LRBA: variants seen among roughly 807,000 people sequenced by gnomAD.
LRBA encodes the protein lipopolysaccharide-responsive and beige-like anchor protein.
LRBA carries 176 observed loss-of-function variants against 330.0 expected under a neutral mutation model. That is an observed-to-expected ratio of 0.53 (90% confidence interval 0.47 to 0.60). LRBA has a LOEUF of 0.60. LRBA is among the 20% of genes least tolerant of loss of function. LRBA has a pLI of 0.00. For missense variants in LRBA, 3,259 were observed against 3,444.8 expected (o/e 0.95, Z 1.35); for synonymous variants, 1,230 against 1,193.0 (o/e 1.03, Z -0.64).
intron 34 of LRBA, among the ~76,000 whole-genome samples, chr4:150,770,108 G>C (rs1736347120): frequency 6.6e-6 from 1 of 152,164 alleles, no homozygotes; most frequent in Admixed American, 6.5e-5. Context: ...CGAATAAAAT[G>C]AAAAGGCAGA....
At chr4:150,717,810 G>C (rs1276350156) in intron 36 of LRBA, among the ~76,000 whole-genome samples, 2 of 151,514 alleles carry the variant, frequency 1.3e-5, no homozygotes, top group Non-Finnish European at 2.9e-5. Flanking sequence ...CTAGCAACAA[G>C]TGAGTTCTAC....
intron 36 of LRBA, among the ~76,000 whole-genome samples, chr4:150,710,875 CT>C (rs1159572205): frequency 6.6e-6 from 1 of 151,850 alleles, no homozygotes; most frequent in Non-Finnish European, 1.5e-5. Context: ...TGCTTGCAAA[CT>C]CAACATATCA....
At chr4:150,854,118 G>A (rs75698378) in intron 22 of LRBA, among the ~76,000 whole-genome samples, 3 of 151,858 alleles carry the variant, frequency 2.0e-5, no homozygotes, top group East Asian at 1.9e-4. Context: ...ACATTAACTC[G>A]CCTTTACTCA....
chr4:150,275,709 CTAACT>C (rs1174633063), intron 56 of LRBA, among the ~76,000 whole-genome samples: 1 of 152,166 alleles, frequency 6.6e-6, no homozygotes, highest in Non-Finnish European at 1.5e-5. Flanking sequence ...ACCTAGGAAT[CTAACT>C]TACAAGGGAT....
At chr4:150,474,814 G>C (rs1028757505) in intron 42 of LRBA, among the ~76,000 whole-genome samples, 2 of 151,912 alleles carry the variant, frequency 1.3e-5, no homozygotes, top group Admixed American at 6.6e-5. Context: ...AACATCTCCA[G>C]TGTAACGCTG....
chr4:150,980,892 C>T (rs1298671064), intron 2 of LRBA, among the ~76,000 whole-genome samples: 1 of 151,686 alleles, frequency 6.6e-6, no homozygotes, highest in African/African-American at 2.4e-5. Flanking sequence ...AAAATAGCTA[C>T]AAATAAATAC....
intron 44 of LRBA, among the ~76,000 whole-genome samples, chr4:150,437,492 ACT>A (rs56695742): frequency 2.1e-4 from 31 of 147,814 alleles, no homozygotes; most frequent in African/African-American, 3.7e-4. Context: ...GCCGGCATGA[ACT>A]CTCTCTCTCT....
chr4:150,358,472 T>A (rs935538760), intron 47 of LRBA, among the ~76,000 whole-genome samples: 4 of 152,086 alleles, frequency 2.6e-5, no homozygotes, highest in Admixed American at 2.0e-4. Flanking sequence ...ATTCCAAACA[T>A]GATGCTGTAA....
intron 35 of LRBA, among the ~76,000 whole-genome samples, chr4:150,740,476 G>C (rs1274128205): frequency 6.6e-6 from 1 of 151,856 alleles, no homozygotes; most frequent in Admixed American, 6.6e-5. Flanking sequence ...GAGGGTCACT[G>C]GATTTAAGGC....
chr4:150,356,635 A>G (rs1737881978), intron 47 of LRBA, among the ~76,000 whole-genome samples: 1 of 152,010 alleles, frequency 6.6e-6, no homozygotes, highest in Non-Finnish European at 1.5e-5. Context: ...TGTTTTCTAT[A>G]TGTGACTTGC....
intron 40 of LRBA, among the ~76,000 whole-genome samples, chr4:150,571,054 C>T (rs1341670800): frequency 6.6e-6 from 1 of 152,126 alleles, no homozygotes; most frequent in African/African-American, 2.4e-5. Flanking sequence ...TCATCATTAA[C>T]AGAAGCACTG....
chr4:150,532,698 AAAGAG>A (rs1390960969), intron 40 of LRBA, among the ~76,000 whole-genome samples: 2 of 152,144 alleles, frequency 1.3e-5, no homozygotes, highest in African/African-American at 4.8e-5. Context: ...TATAAAACAG[AAAGAG>A]AAGAATGGGC....
At chr4:150,576,285 A>G (rs565101217) in intron 40 of LRBA, among the ~76,000 whole-genome samples, 4 of 151,926 alleles carry the variant, frequency 2.6e-5, no homozygotes, top group Non-Finnish European at 5.9e-5. Context: ...TATGTAAATA[A>G]AAGAATGTAG....
intron 44 of LRBA, among the ~76,000 whole-genome samples, chr4:150,438,625 G>A (rs1298115897): frequency 1.3e-5 from 2 of 152,014 alleles, no homozygotes; most frequent in East Asian, 1.9e-4. Flanking sequence ...ATTATTTGTG[G>A]AGAAAATGTT....
At chr4:150,657,202 T>A (rs754433316) in intron 37 of LRBA, among the ~76,000 whole-genome samples, 11 of 152,242 alleles carry the variant, frequency 7.2e-5, no homozygotes, top group Non-Finnish European at 1.2e-4. Flanking sequence ...GACATGTTTT[T>A]GTTTTTCTAG....
At chr4:150,826,467 G>T (rs377406366) in intron 30 of LRBA, among the ~76,000 whole-genome samples, 1 of 152,132 alleles carries the variant, frequency 6.6e-6, no homozygotes, top group African/African-American at 2.4e-5. Flanking sequence ...TTAATATAAA[G>T]CTGCTAACCC....
intron 34 of LRBA, among the ~76,000 whole-genome samples, chr4:150,770,703 AC>A (rs571729529): frequency 3.4e-4 from 52 of 152,196 alleles, no homozygotes; most frequent in African/African-American, 1.1e-3. Context: ...ATCTACAACT[AC>A]CTTTTTTCAC....
intron 14 of LRBA, among the ~76,000 whole-genome samples, chr4:150,898,834 C>T (rs758496148): frequency 1.2e-4 from 19 of 152,064 alleles, no homozygotes; most frequent in Admixed American, 2.0e-4. Flanking sequence ...AATTCTGACC[C>T]GGTTCTGGAT....
chr4:150,385,711 A>T (rs1259480529), intron 47 of LRBA, among the ~76,000 whole-genome samples: 1 of 152,194 alleles, frequency 6.6e-6, no homozygotes, highest in Non-Finnish European at 1.5e-5. Context: ...GTGCAGGCTG[A>T]AAGTGCTACT....
Sources: allele counts gnomAD v4.1 joint callset (sites outside exome capture counted in the v4.1 genomes callset), GRCh38; gene constraint gnomAD v4.1.1; transcripts MANE v1.5; gene names NCBI Gene and HGNC (gene_info 2026-07-23, HGNC 2026-07-21).